RBFOX1: variants seen among roughly 807,000 people sequenced by gnomAD.
The protein encoded by RBFOX1 is RNA binding fox-1 homolog 1.
Under a neutral mutation model 57.7 loss-of-function variants are expected in RBFOX1, and 8 were observed. The ratio of observed to expected loss-of-function variants is 0.14; its 90% confidence interval spans 0.08 to 0.25. RBFOX1 has a LOEUF of 0.25. Ranked by LOEUF, RBFOX1 falls within the 10% of genes least tolerant of loss-of-function variation. The pLI, the probability that RBFOX1 is intolerant of heterozygous loss-of-function variation, is 1.00. For synonymous variants in RBFOX1, 326 were observed against 222.4 expected (o/e 1.47, Z -4.15); for missense variants, 611 against 548.5 (o/e 1.11, Z -1.14).
At chr16:7,687,758 G>C (rs2076373193) in intron 14 of RBFOX1, among the ~76,000 whole-genome samples, 1 of 151,924 alleles carries the variant, frequency 6.6e-6, no homozygotes, top group Non-Finnish European at 1.5e-5. Context: ...AAAATATTAA[G>C]TATAAAATGT....
At chr16:7,215,882 A>ACG (rs1439705006) in intron 4 of RBFOX1, among the ~76,000 whole-genome samples, 52 of 151,786 alleles carry the variant, frequency 3.4e-4, no homozygotes, top group Non-Finnish European at 6.9e-4. Context: ...CTGCCACGGC[A>ACG]CCCGGCTAAT....
chr16:7,565,550 C>G (rs951740705), intron 5 of RBFOX1, among the ~76,000 whole-genome samples: 4 of 152,190 alleles, frequency 2.6e-5, no homozygotes, highest in Non-Finnish European at 4.4e-5. Context: ...CCCAGCATTA[C>G]TGGCTAAATC....
chr16:7,162,679 AG>A (rs1290418179), intron 4 of RBFOX1, among the ~76,000 whole-genome samples: 1 of 152,042 alleles, frequency 6.6e-6, no homozygotes, highest in Non-Finnish European at 1.5e-5. Context: ...CAGTGAGCTG[AG>A]ATTGCGCCAC....
At chr16:6,050,360 T>C (rs1403982963) in intron 1 of RBFOX1, among the ~76,000 whole-genome samples, 1 of 152,186 alleles carries the variant, frequency 6.6e-6, no homozygotes, top group Non-Finnish European at 1.5e-5. Context: ...AGAAAACAGA[T>C]TGTTTGTCCT....
chr16:6,828,724 C>A, intron 3 of RBFOX1, among the ~76,000 whole-genome samples: 1 of 152,002 alleles, frequency 6.6e-6, no homozygotes, highest in South Asian at 2.1e-4. Flanking sequence ...TAATGAGTGA[C>A]TTACCATGTT....
At chr16:7,067,571 C>T (rs937496289) in intron 4 of RBFOX1, among the ~76,000 whole-genome samples, 2 of 151,304 alleles carry the variant, frequency 1.3e-5, no homozygotes, top group African/African-American at 4.9e-5. Context: ...TTTTAGGGTA[C>T]ATGTGCACAA....
At chr16:5,787,510 C>T (rs559359001) in intron 3 of RBFOX1, among the ~76,000 whole-genome samples, 1 of 152,156 alleles carries the variant, frequency 6.6e-6, no homozygotes. Context: ...CTGTATAAAC[C>T]TGACCCCATA....
intron 3 of RBFOX1, among the ~76,000 whole-genome samples, chr16:5,717,628 CACTTAGAATA>C (rs1278549524): frequency 6.6e-6 from 1 of 152,150 alleles, no homozygotes; most frequent in Non-Finnish European, 1.5e-5. Flanking sequence ...TCAGTTACTT[CACTTAGAATA>C]ACTTAGAATA....
intron 1 of RBFOX1, among the ~76,000 whole-genome samples, chr16:6,190,478 C>G (rs569194467): frequency 6.6e-5 from 10 of 152,180 alleles, no homozygotes; most frequent in Non-Finnish European, 1.5e-4. Flanking sequence ...TTTTCTAATC[C>G]TGTGTTGATT....
intron 3 of RBFOX1, among the ~76,000 whole-genome samples, chr16:5,683,207 C>A (rs1312848786): frequency 6.6e-6 from 1 of 152,098 alleles, no homozygotes; most frequent in Non-Finnish European, 1.5e-5. Flanking sequence ...ACCTTAGATG[C>A]AAAGCTGTGG....
At chr16:7,655,277 A>C (rs1026771988) in intron 12 of RBFOX1, among the ~76,000 whole-genome samples, 1 of 152,238 alleles carries the variant, frequency 6.6e-6, no homozygotes, top group African/African-American at 2.4e-5. Context: ...GGGAAAGTTA[A>C]GGAAAAGTAG....
chr16:7,024,114 C>T (rs1202582291), intron 3 of RBFOX1, among the ~76,000 whole-genome samples: 2 of 152,122 alleles, frequency 1.3e-5, no homozygotes, highest in African/African-American at 4.8e-5. Context: ...ACTTGTGATG[C>T]ATTTTAATGA....
intron 2 of RBFOX1, among the ~76,000 whole-genome samples, chr16:6,515,954 T>A (rs1465032409): frequency 6.6e-6 from 1 of 152,226 alleles, no homozygotes; most frequent in Non-Finnish European, 1.5e-5. Flanking sequence ...TTTTAGGTAC[T>A]GGTACTGAAA....
At chr16:6,009,812 GTGTC>G (rs1270142141) in intron 4 of RBFOX1, among the ~76,000 whole-genome samples, 4 of 144,068 alleles carry the variant, frequency 2.8e-5, no homozygotes, top group East Asian at 2.1e-4. Context: ...ATGTGTGTGT[GTGTC>G]TGTGTGTGTG....
chr16:5,989,898 TAGG>T (rs1315502908), intron 4 of RBFOX1, among the ~76,000 whole-genome samples: 13 of 80,998 alleles, frequency 1.6e-4, no homozygotes, highest in Non-Finnish European at 3.3e-4. Flanking sequence ...TGTTTTATAA[TAGG>T]AGTAACCACC....
chr16:7,635,960 G>A (rs763972969), intron 11 of RBFOX1, among the ~76,000 whole-genome samples: 1 of 152,060 alleles, frequency 6.6e-6, no homozygotes, highest in South Asian at 2.1e-4. Context: ...ACAGGCGCCC[G>A]CCACCATGCC....
chr16:7,151,591 G>A (rs1034786368), intron 4 of RBFOX1, among the ~76,000 whole-genome samples: 3 of 152,212 alleles, frequency 2.0e-5, no homozygotes, highest in African/African-American at 7.2e-5. Flanking sequence ...TTCCAGGGAT[G>A]GGAAAATGGA....
chr16:6,668,368 T>C (rs2098745382), intron 3 of RBFOX1, among the ~76,000 whole-genome samples: 1 of 152,228 alleles, frequency 6.6e-6, no homozygotes, highest in African/African-American at 2.4e-5. Flanking sequence ...TAGTTGTTTC[T>C]GTCACAGAAT....
chr16:7,025,448 G>A (rs1418593054), intron 3 of RBFOX1, among the ~76,000 whole-genome samples: 2 of 152,090 alleles, frequency 1.3e-5, no homozygotes, highest in Non-Finnish European at 2.9e-5. Flanking sequence ...GACTTAGAAT[G>A]CCTAACCTTC....
Sources: allele counts gnomAD v4.1 joint callset (sites outside exome capture counted in the v4.1 genomes callset), GRCh38; gene constraint gnomAD v4.1.1; transcripts MANE v1.5; gene names NCBI Gene and HGNC (gene_info 2026-07-23, HGNC 2026-07-21).